Variants in SMPD3 observed in about 807,000 individuals in gnomAD.
SMPD3 encodes sphingomyelin phosphodiesterase 3, also known as nSMase-2.
Under a neutral mutation model 55.7 loss-of-function variants are expected in SMPD3, and 21 were observed. The ratio of observed to expected loss-of-function variants is 0.38; its 90% CI spans 0.27 to 0.54. The LOEUF (loss-of-function observed/expected upper bound fraction) is 0.54. Ranked by LOEUF, SMPD3 falls within the 20% of genes least tolerant of loss-of-function variation. The pLI is 0.80. For missense variants in SMPD3, 842 were observed against 899.6 expected (o/e 0.94, Z 0.82); for synonymous variants, 457 against 404.3 (o/e 1.13, Z -1.56).
chr16:68,403,519 C>T (rs1450441323), intron 1 of SMPD3, among the ~76,000 whole-genome samples: 1 of 152,210 alleles, frequency 6.6e-6, no homozygotes, highest in Non-Finnish European at 1.5e-5. Context: ...TTCTTGATGT[C>T]AGGAAGGCTG....
At chr16:68,446,102 G>C (rs371158406) in intron 1 of SMPD3, among the ~76,000 whole-genome samples, 8 of 152,208 alleles carry the variant, frequency 5.3e-5, no homozygotes, top group African/African-American at 1.9e-4. Context: ...AAGTGACTCT[G>C]TTGATGAGTC....
chr16:68,442,713 G>T (rs541458274), intron 1 of SMPD3, among the ~76,000 whole-genome samples: 17 of 152,316 alleles, frequency 1.1e-4, no homozygotes, highest in African/African-American at 3.8e-4. Context: ...AGGTGTGGCT[G>T]CCTAGAGACC....
Position 68,363,820 on chromosome 16 carries a change from G to A in SMPD3, c.1602C>T (p.Asp534=), listed in dbSNP as rs1375434261. The A allele has an allele frequency of 1.3e-6, 2 of 1,571,932 alleles. No individual in the cohort carries two copies. Among genetic ancestry groups the A allele is most frequent in the East Asian group, 2.3e-5 (1 of 42,986 alleles). The change falls in exon 6 of 9, where the codon GAC becomes GAT. Residue 534 remains aspartate, a synonymous_variant. Transcript: ENST00000219334. The stretch of plus-strand genomic sequence containing the variant: ...CCTCACCAGGCCCCAGGCGGCAGGG[G>A]TCCCTGTAGTGGGTGAACAGGGAGT... ...QQHSLFTHYR[D]PCRLGPGEEK...
chr16:68,364,467 T>G, intron 5 of SMPD3: 1 of 406,842 alleles, frequency 2.5e-6, no homozygotes, highest in African/African-American at 2.0e-5. Context: ...CGTTGATGGG[T>G]GTTACTAGTG....
chr16:68,361,417 G>C, intron 8 of SMPD3, 110 bp from the exon 9 acceptor site: 1 of 1,377,076 alleles, frequency 7.3e-7, no homozygotes, highest in Non-Finnish European at 1.0e-6. Context: ...GGTGGGCTGG[G>C]ACCTTCCTGC....
chr16:68,371,848 G>A lies in SMPD3; in HGVS notation c.334C>T (p.Leu112Phe). The change falls in exon 3 of 9, where the codon CTC becomes TTC. Residue 112 changes from leucine (L) to phenylalanine (F), a missense_variant. Leu to Phe is a conservative substitution (Grantham distance 22, BLOSUM62 0). Coordinates refer to ENST00000219334, the MANE Select transcript of SMPD3 (RefSeq NM_018667.4). ...GGCCCCGTGCCCTTCCATTCACTGA[G>A]CAGGGCTGCCCCACCGGCCAGGCCC... ...DKGLAGGAAL[L>F]SEWKGTGPGK... The A allele has an allele frequency of 6.2e-7, 1 of 1,605,800 alleles. No individual in the cohort carries two copies. The highest frequency in any genetic ancestry group is 8.5e-7 in the Non-Finnish European group (1 of 1,177,162).
intron 1 of SMPD3, among the ~76,000 whole-genome samples, chr16:68,391,953 G>A (rs1461437173): frequency 1.3e-5 from 2 of 152,128 alleles, no homozygotes; most frequent in Non-Finnish European, 2.9e-5. Context: ...GTGCAGTGGT[G>A]CCATCTTGGC....
chr16:68,444,405 C>A (rs1463964952), intron 1 of SMPD3, among the ~76,000 whole-genome samples: 1 of 152,240 alleles, frequency 6.6e-6, no homozygotes, highest in Non-Finnish European at 1.5e-5. Flanking sequence ...CACTTGCATG[C>A]GTGTTCAGAT....
chr16:68,421,218 C>T (rs2090390615), intron 1 of SMPD3, among the ~76,000 whole-genome samples: 1 of 152,242 alleles, frequency 6.6e-6, no homozygotes, highest in African/African-American at 2.4e-5. Context: ...GCAACACCAT[C>T]TGCACAGTAT....
At chr16:68,430,049 C>CA (rs2090467582) in intron 1 of SMPD3, among the ~76,000 whole-genome samples, 1 of 152,144 alleles carries the variant, frequency 6.6e-6, no homozygotes, top group Admixed American at 6.5e-5. Flanking sequence ...TGTTACCCCC[C>CA]AAATCTGCAG....
chr16:68,442,438 G>A (rs565672233), intron 1 of SMPD3, among the ~76,000 whole-genome samples: 1 of 152,330 alleles, frequency 6.6e-6, no homozygotes, highest in Admixed American at 6.5e-5. Context: ...CCCACATTGT[G>A]GTTGTGTTCC....
chr16:68,444,718 G>A (rs144560858), intron 1 of SMPD3, among the ~76,000 whole-genome samples: 5 of 152,292 alleles, frequency 3.3e-5, no homozygotes, highest in South Asian at 2.1e-4. Context: ...ATAAAATAAC[G>A]TTATTGCCTG....
chr16:68,427,100 G>A (rs1418562682), intron 1 of SMPD3, among the ~76,000 whole-genome samples: 1 of 151,024 alleles, frequency 6.6e-6, no homozygotes, highest in Non-Finnish European at 1.5e-5. Flanking sequence ...GGGTTCGAGC[G>A]GTTCTCCTGC....
In SMPD3 at chr16:68,403,168, G is replaced by A. The variant is rs559338453; in HGVS notation, c.-268-16509C>T. On this transcript the variant is annotated intron_variant, in intron 1 of 8. Coordinates refer to ENST00000219334, the MANE Select transcript of SMPD3 (RefSeq NM_018667.4). ...TGGGATAGCTTTCCCTGACCATCCCGTACAAATAATGCCTCCTGTCACCCT... is the reference window on the plus strand; with the variant it reads ...TGGGATAGCTTTCCCTGACCATCCCATACAAATAATGCCTCCTGTCACCCT... 1.4e-4 allele frequency among the ~76,000 whole-genome samples: 22 copies of A among 152,306 alleles called. 1 individual carries two copies. The South Asian group carries it at 1.5e-3, about 10-fold the overall frequency.
intron 7 of SMPD3, 95 bp from the exon 8 acceptor site, chr16:68,361,854 G>A: frequency 7.4e-7 from 1 of 1,349,476 alleles, no homozygotes; most frequent in Non-Finnish European, 1.0e-6. Flanking sequence ...TCCCAGTGTG[G>A]GAGCGGGTGG....
intron 1 of SMPD3, among the ~76,000 whole-genome samples, chr16:68,413,899 T>C (rs2090320570): frequency 6.6e-6 from 1 of 152,186 alleles, no homozygotes; most frequent in Non-Finnish European, 1.5e-5. Context: ...CTGAAGGGCC[T>C]GGGGCACCTC....
At chr16:68,392,663 A>G (rs2090122041) in intron 1 of SMPD3, among the ~76,000 whole-genome samples, 1 of 152,080 alleles carries the variant, frequency 6.6e-6, no homozygotes, top group South Asian at 2.1e-4. Context: ...AGAGTTAGAG[A>G]CCAGCCTGGC....
Position 68,447,586 on chromosome 16 carries a change from C to T in SMPD3, c.-269+767G>A, listed in dbSNP as rs577108131. Among the ~76,000 whole-genome samples the T allele has an allele frequency of 3.3e-5, 5 of 152,114 alleles. No individual in the cohort carries two copies. The East Asian group carries it at 5.9e-4, about 18-fold the overall frequency. ...CACCCAGGCCACCCAACCCTCGGCG[C>T]GGGCCCGAGCGCGGGGGATTCCGAG... On this transcript the variant is annotated intron_variant, in intron 1 of 8. Transcript: ENST00000219334. The surrounding 1 kb of genome is among the most constrained non-coding windows in gnomAD (Gnocchi z 5.1).
chr16:68,445,083 C>G (rs2090599870), intron 1 of SMPD3, among the ~76,000 whole-genome samples: 1 of 152,238 alleles, frequency 6.6e-6, no homozygotes, highest in African/African-American at 2.4e-5. Context: ...TCTTATCTCT[C>G]TCCCCCACTT....
Sources: allele counts gnomAD v4.1 joint callset (sites outside exome capture counted in the v4.1 genomes callset), GRCh38; gene constraint gnomAD v4.1.1; non-coding constraint Gnocchi (gnomAD v3.1); transcripts MANE v1.5; gene names NCBI Gene and HGNC (gene_info 2026-07-23, HGNC 2026-07-21).